The following MCC variants were observed in gnomAD, a reference collection of about 807,000 sequenced individuals.
MCC encodes the protein MCC regulator of Wnt signaling pathway, also known as colorectal mutant cancer protein.
A neutral mutation model predicts 116.2 loss-of-function variants in MCC; 90 were observed. The ratio of observed to expected loss-of-function variants is 0.77; its 90% CI spans 0.65 to 0.92. The LOEUF (loss-of-function observed/expected upper bound fraction) is 0.92. Among genes scored for constraint, MCC ranks in the 40% least tolerant of loss-of-function variants. MCC has a pLI of 0.00. For missense variants in MCC, 1,516 were observed against 1,312.2 expected (o/e 1.16, Z -2.40); for synonymous variants, 578 against 510.5 (o/e 1.13, Z -1.78).
intron 3 of MCC, among the ~76,000 whole-genome samples, chr5:113,321,560 C>T (rs1767423601): frequency 1.3e-5 from 2 of 152,214 alleles, no homozygotes; most frequent in African/African-American, 2.4e-5. Context: ...AACTTAAAGT[C>T]TTCTCAATTA....
intron 1 of MCC, among the ~76,000 whole-genome samples, chr5:113,455,083 C>T (rs1771505456): frequency 1.3e-5 from 2 of 152,186 alleles, no homozygotes; most frequent in South Asian, 4.1e-4. Flanking sequence ...TATCCTCCCA[C>T]CGCACCAAAG....
chr5:113,076,535 C>G lies in MCC; in HGVS notation c.1785-5301G>C, dbSNP rs568893172. ...ACTCTTAAAGAAAAGCATTTTCAAC[C>G]CAGAATTTCATATGCAGCCAAACTA... On this transcript the variant is annotated intron_variant, in intron 11 of 18. Coordinates refer to ENST00000408903, the MANE Select transcript of MCC (RefSeq NM_001085377.2). Among the ~76,000 whole-genome samples, 178 of 152,268 alleles carry G rather than the reference C, an allele frequency of 1.2e-3. 1 individual carries two copies. Among genetic ancestry groups the G allele is most frequent in the African/African-American group, 4.1e-3 (172 of 41,558 alleles).
chr5:113,201,215 A>G (rs11951541), intron 3 of MCC, among the ~76,000 whole-genome samples: 9,585 of 152,004 alleles, frequency 0.063, 906 homozygotes, highest in African/African-American at 0.2. Context: ...GAGAAACCCC[A>G]TCTCTACTAA....
chr5:113,123,863 A>C (rs1485949188), intron 5 of MCC, among the ~76,000 whole-genome samples: 3 of 152,174 alleles, frequency 2.0e-5, no homozygotes, highest in Admixed American at 2.0e-4. Flanking sequence ...GAATCAGAGA[A>C]ATCTCAGCCT....
At chr5:113,320,359 A>T (rs1767388657) in intron 3 of MCC, among the ~76,000 whole-genome samples, 1 of 152,118 alleles carries the variant, frequency 6.6e-6, no homozygotes, top group Non-Finnish European at 1.5e-5. Context: ...AAACTGAAAG[A>T]AATGCAAATT....
intron 5 of MCC, among the ~76,000 whole-genome samples, chr5:113,142,142 C>A (rs1333127729): frequency 6.8e-6 from 1 of 147,018 alleles, no homozygotes. Context: ...CATTAGTAGC[C>A]TCATCAAGAA....
intron 4 of MCC, among the ~76,000 whole-genome samples, chr5:113,145,322 C>G (rs1424473381): frequency 6.6e-6 from 1 of 152,154 alleles, no homozygotes; most frequent in Admixed American, 6.5e-5. Flanking sequence ...TGACCTGGAT[C>G]TCATCAATGC....
chr5:113,241,658 G>GA (rs762497901), intron 3 of MCC, among the ~76,000 whole-genome samples: 3 of 152,160 alleles, frequency 2.0e-5, no homozygotes, highest in Non-Finnish European at 4.4e-5. Context: ...TCTGTGATAT[G>GA]AAGACCACAG....
At chr5:113,357,790 G>C (rs1336707169) in intron 2 of MCC, among the ~76,000 whole-genome samples, 1 of 152,148 alleles carries the variant, frequency 6.6e-6, no homozygotes, top group Non-Finnish European at 1.5e-5. Context: ...GTGCTAGCAG[G>C]CCACTGAGCA....
At chr5:113,357,329 G>C (rs553579397) in intron 2 of MCC, among the ~76,000 whole-genome samples, 4 of 152,108 alleles carry the variant, frequency 2.6e-5, no homozygotes, top group African/African-American at 9.7e-5. Flanking sequence ...CTCAGCTTCT[G>C]AAAGGTAACA....
At chr5:113,418,546 G>A (rs988724495) in intron 1 of MCC, among the ~76,000 whole-genome samples, 7 of 152,052 alleles carry the variant, frequency 4.6e-5, no homozygotes, top group African/African-American at 1.4e-4. Context: ...GTTAAGCCTT[G>A]GTTTGGGCAA....
At chr5:113,315,704 CAAA>C (rs35274366) in intron 3 of MCC, among the ~76,000 whole-genome samples, 2,687 of 64,496 alleles carry the variant, frequency 0.042, 63 homozygotes, top group African/African-American at 0.13. Context: ...CCCATCTCTA[CAAA>C]AAAAAAAAAA....
chr5:113,407,913 G>A (rs1266934919), intron 1 of MCC, among the ~76,000 whole-genome samples: 1 of 152,100 alleles, frequency 6.6e-6, no homozygotes, highest in African/African-American at 2.4e-5. Flanking sequence ...TAGGAATCTT[G>A]AAATGAAAAC....
intron 6 of MCC, among the ~76,000 whole-genome samples, chr5:113,107,376 C>A (rs886857026): frequency 2.6e-5 from 4 of 152,048 alleles, no homozygotes; most frequent in African/African-American, 9.7e-5. Flanking sequence ...TGCCACCACA[C>A]CTAGCTAATT....
chr5:113,321,182 T>C (rs1023991268), intron 3 of MCC, among the ~76,000 whole-genome samples: 13 of 152,218 alleles, frequency 8.5e-5, no homozygotes, highest in African/African-American at 2.7e-4. Flanking sequence ...TCTGAAAATA[T>C]AGAATTTCTG....
chr5:113,352,777 T>C (rs1239919178), intron 2 of MCC, among the ~76,000 whole-genome samples: 1 of 152,080 alleles, frequency 6.6e-6, no homozygotes, highest in Non-Finnish European at 1.5e-5. Context: ...TTTGAATCGG[T>C]ATTTGTGTTA....
rs1377358293 is a variant in MCC, at chr5:113,161,142, G to A, written c.628-9720C>T. Among the ~76,000 whole-genome samples the A allele has an allele frequency of 2.0e-5, 3 of 152,124 alleles. No individual in the cohort carries two copies. In the East Asian group the frequency reaches 5.8e-4, roughly 29 times the overall value. ...TTTCAAGGGAAACGAAAATTATGTGGTTATACAAGGGTTTTTGGAAAGAAA... is the reference window on the plus strand; with the variant it reads ...TTTCAAGGGAAACGAAAATTATGTGATTATACAAGGGTTTTTGGAAAGAAA... On this transcript the variant is annotated intron_variant, in intron 3 of 18. Coordinates refer to ENST00000408903, the MANE Select transcript of MCC (RefSeq NM_001085377.2).
chr5:113,028,049 G>A (rs1480150703), intron 18 of MCC, among the ~76,000 whole-genome samples: 1 of 152,152 alleles, frequency 6.6e-6, no homozygotes, highest in Non-Finnish European at 1.5e-5. Flanking sequence ...ACCAGAGCCT[G>A]GTGGTAGGGT....
At position 113,186,935 on chromosome 5, in the gene MCC, T is replaced by C. The variant is rs76664374; in HGVS notation, c.628-35513A>G. ...TCTACTGGGTAGAGCCCAGGGATAC[T>C]GCTAAACATCCTACAATAAACAGGA... On this transcript the variant is annotated intron_variant, in intron 3 of 18. Coordinates refer to ENST00000408903, the MANE Select transcript of MCC (RefSeq NM_001085377.2). 6.9e-3 allele frequency among the ~76,000 whole-genome samples: 1,046 copies of C among 152,286 alleles called. 6 individuals are homozygous for C. Among genetic ancestry groups the C allele is most frequent in the Non-Finnish European group, 0.011 (742 of 68,018 alleles).
Sources: allele counts gnomAD v4.1 joint callset (sites outside exome capture counted in the v4.1 genomes callset), GRCh38; gene constraint gnomAD v4.1.1; transcripts MANE v1.5; gene names NCBI Gene and HGNC (gene_info 2026-07-23, HGNC 2026-07-21).